METTL6: variants seen among roughly 807,000 people sequenced by gnomAD.
METTL6 encodes the protein tRNA N(3)-cytidine methyltransferase METTL6.
In METTL6, 22 loss-of-function variants were observed where a neutral mutation model predicts 26.4. The observed-to-expected ratio is 0.83, with a 90% confidence interval of 0.59 to 1.19. METTL6 has a LOEUF of 1.19. METTL6 is among the 50% of genes most tolerant of loss of function. METTL6 has a pLI of 0.00. For synonymous variants in METTL6, 109 were observed against 116.2 expected, an observed-to-expected ratio of 0.94 and a Z score of 0.40; for missense variants, 304 against 324.8, an observed-to-expected ratio of 0.94 and a Z score of 0.49.
downstream of METTL6, among the ~76,000 whole-genome samples, chr3:15,408,956 G>T (rs1235947233): frequency 6.6e-6 from 1 of 152,110 alleles, no homozygotes; most frequent in African/African-American, 2.4e-5. Context: ...GGCGGAGGGG[G>T]CTTTGGGAGA....
chr3:15,383,455 G>A (rs1699120431), exon 7 of METTL6: 1 of 148,856 alleles, frequency 6.7e-6, no homozygotes, highest in Non-Finnish European at 1.5e-5. Flanking sequence ...CCAGGCTGGT[G>A]TCTGGAACCC....
intron 2 of METTL6, among the ~76,000 whole-genome samples, chr3:15,425,349 C>A (rs1023440685): frequency 1.3e-5 from 2 of 152,320 alleles, no homozygotes; most frequent in Non-Finnish European, 2.9e-5. Flanking sequence ...TCCTCCCCTG[C>A]ATTCTATCCT....
chr3:15,425,087 A>C lies in METTL6; in HGVS notation c.228T>G (p.Phe76Leu), dbSNP rs757063589. 3 of 1,614,040 alleles carry C rather than the reference A, an allele frequency of 1.9e-6. No homozygotes were observed. In the South Asian group the frequency reaches 3.3e-5, roughly 18 times the overall value. The change falls in exon 3 of 6, where the codon TTT becomes TTG. Residue 76 changes from phenylalanine (F) to leucine (L), a missense_variant and splice_region_variant. By Grantham distance (22) the Phe-to-Leu change is conservative. Transcript: ENST00000383790. ...EFEELRSCRE[F>L]EDQKLTMLEA... ...CAAGCATTGTTAACTTTTGATCTTC[A>C]AACTGGGGAAAGACAGCTCAAAGTT...
intron 6 of METTL6, among the ~76,000 whole-genome samples, chr3:15,394,504 C>T (rs1699434144): frequency 6.6e-6 from 1 of 152,008 alleles, no homozygotes; most frequent in Non-Finnish European, 1.5e-5. Context: ...TCCTTCAGTT[C>T]TGCTCTGATC....
chr3:15,419,202 C>T (rs1021678304), intron 3 of METTL6, among the ~76,000 whole-genome samples: 2 of 151,206 alleles, frequency 1.3e-5, no homozygotes, highest in Admixed American at 1.3e-4. Flanking sequence ...AAAAGAGATA[C>T]TGTAAAGCGA....
chr3:15,423,251 C>T (rs1272559966), intron 3 of METTL6, among the ~76,000 whole-genome samples: 2 of 152,010 alleles, frequency 1.3e-5, no homozygotes, highest in Non-Finnish European at 2.9e-5. Flanking sequence ...CAAAAATTAG[C>T]CAGGAGTGGT....
intron 3 of METTL6, among the ~76,000 whole-genome samples, chr3:15,423,388 G>A (rs55928474): frequency 0.031 from 4,742 of 152,250 alleles, 162 homozygotes; most frequent in African/African-American, 0.084. Context: ...GCGAGACTCC[G>A]TCTCAAAAAA....
chr3:15,387,114 T>C (rs1699221081), intron 6 of METTL6, among the ~76,000 whole-genome samples: 1 of 152,152 alleles, frequency 6.6e-6, no homozygotes, highest in East Asian at 1.9e-4. Context: ...AGGTGTTTTC[T>C]ATCTATTGGG....
In METTL6 at chr3:15,425,005, T is replaced by TG; in HGVS notation, c.309_310insC (p.Ile104HisfsTer7). ...GAAAAATCACAGGCATAGGCAAAGA[T>TG]ATTCGGATCTTCTTCTAAAAGTGGG... On this transcript the variant is annotated frameshift_variant, in exon 3 of 6. Coordinates refer to ENST00000383790, the MANE Select transcript of METTL6 (RefSeq NM_152396.4). LOFTEE classifies it high-confidence loss of function. The TG allele has an allele frequency of 6.2e-7, 1 of 1,614,168 alleles. No individual in the cohort carries two copies. Among genetic ancestry groups the TG allele is most frequent in the East Asian group, 2.2e-5 (1 of 44,870 alleles).
In METTL6 at chr3:15,427,498, G is replaced by T. The variant is rs144383348; in HGVS notation, c.-221C>A. 378 of 493,806 alleles carry T rather than the reference G, an allele frequency of 7.7e-4. 3 individuals carry two copies. The highest frequency in any genetic ancestry group is 7.0e-3 in the African/African-American group (349 of 49,976). The allele number at this position is 493,806 out of a possible 1,614,324, so 30.6% of individuals were successfully genotyped here. A position where few individuals can be genotyped will look rare whatever the true frequency, so the allele number is the denominator to read the frequency against. The stretch of plus-strand genomic sequence containing the variant: ...TGAGGACCACGAATTCGGATTATCC[G>T]GGAGTTCTTTTGCCATGGCACCGCC... On this transcript the variant is annotated 5_prime_UTR_variant, in exon 1 of 6. Transcript: ENST00000383790.
At chr3:15,426,684 C>A (rs2061732708) in intron 1 of METTL6, 49 bp from the exon 2 acceptor site, 3 of 628,716 alleles carry the variant, frequency 4.8e-6, no homozygotes, top group Admixed American at 2.9e-5. Context: ...CAGTTCAAGA[C>A]GCCAGGTTCA....
upstream of METTL6, chr3:15,427,638 C>G (rs1358751394): frequency 2.4e-6 from 2 of 817,952 alleles, no homozygotes; most frequent in South Asian, 3.2e-5. Flanking sequence ...TGCTTCTGGA[C>G]CCGGGTGGGT....
chr3:15,423,639 G>C (rs2061655727), intron 3 of METTL6, among the ~76,000 whole-genome samples: 3 of 152,224 alleles, frequency 2.0e-5, no homozygotes, highest in African/African-American at 4.8e-5. Flanking sequence ...TTGGGAGGCT[G>C]AGGTGGGAGG....
intron 6 of METTL6, among the ~76,000 whole-genome samples, chr3:15,390,607 G>T (rs1372670786): frequency 1.3e-5 from 2 of 152,150 alleles, no homozygotes; most frequent in Non-Finnish European, 2.9e-5. Flanking sequence ...TGGAAAAAAC[G>T]AATGCTGGAA....
At chr3:15,412,494 G>GT (rs898591503) in intron 5 of METTL6, among the ~76,000 whole-genome samples, 2 of 151,402 alleles carry the variant, frequency 1.3e-5, no homozygotes, top group Non-Finnish European at 2.9e-5. Flanking sequence ...GTTTTGTTTT[G>GT]TTTTTTTGAG....
chr3:15,404,347 T>C (rs1200380488), intron 6 of METTL6, among the ~76,000 whole-genome samples: 2 of 152,056 alleles, frequency 1.3e-5, no homozygotes, highest in East Asian at 3.9e-4. Flanking sequence ...TGATTTATTT[T>C]ACTTATTTAT....
chr3:15,404,851 C>G (rs548354838), downstream of METTL6, among the ~76,000 whole-genome samples: 145 of 152,168 alleles, frequency 9.5e-4, 1 homozygote, highest in Non-Finnish European at 1.8e-3. Flanking sequence ...TACTAATTTT[C>G]TTTTTAATAG....
intron 3 of METTL6, among the ~76,000 whole-genome samples, chr3:15,424,553 C>T (rs991423465): frequency 1.3e-5 from 2 of 152,190 alleles, no homozygotes; most frequent in Non-Finnish European, 2.9e-5. Context: ...AAGTGCGAAC[C>T]AACATGGCAG....
At chr3:15,389,682 T>C (rs1699290987) in intron 6 of METTL6, among the ~76,000 whole-genome samples, 1 of 152,142 alleles carries the variant, frequency 6.6e-6, no homozygotes, top group East Asian at 1.9e-4. Flanking sequence ...CCTGAGTAGC[T>C]GGGATTACAG....
Sources: gnomAD v4.1 joint callset for allele counts (sites outside exome capture counted in the v4.1 genomes callset) on GRCh38, gnomAD v4.1.1 for gene constraint, MANE v1.5 for transcripts, NCBI Gene and HGNC (gene_info 2026-07-23, HGNC 2026-07-21) for gene names.